The following GABRG3 variants were observed in gnomAD, a reference collection of about 807,000 sequenced individuals.
The protein encoded by GABRG3 is gamma-aminobutyric acid type A receptor subunit gamma3.
GABRG3 carries 25 observed loss-of-function variants against 48.8 expected under a neutral mutation model. The observed-to-expected ratio is 0.51, with a 90% CI of 0.37 to 0.72. The LOEUF (loss-of-function observed/expected upper bound fraction) is 0.72, where lower values mean the gene tolerates loss of function less well. Among genes scored for constraint, GABRG3 ranks in the 30% least tolerant of loss-of-function variants. The pLI is 0.00. For synonymous variants in GABRG3, 227 were observed against 217.6 expected, an observed-to-expected ratio of 1.04 and a Z score of -0.38; for missense variants, 394 against 577.9, an observed-to-expected ratio of 0.68 and a Z score of 3.26.
intron 5 of GABRG3, chr15:27,362,639 G>A (rs2140547844): frequency 6.6e-6 from 1 of 152,270 alleles, no homozygotes; most frequent in East Asian, 1.9e-4. Context: ...TTTTCTCTGT[G>A]ATTTCACCAT....
rs200250186 is a variant in GABRG3, at chr15:27,437,241, CAT to C, written c.575-43408_575-43407del. Among the ~76,000 whole-genome samples, 1,099 of 152,230 alleles carry C rather than the reference CAT, an allele frequency of 7.2e-3. 7 individuals are homozygous for C. The highest frequency in any genetic ancestry group is 0.025 in the African/African-American group (1,028 of 41,540). On this transcript the variant is annotated intron_variant, in intron 5 of 9. Transcript: ENST00000615808. Reference sequence around the variant, plus strand: ...TTAGAATGAACCTGCTCTCTGCTCACATGATTCAATTTATTTGGCAAACAAGT... The same window carrying C: ...TTAGAATGAACCTGCTCTCTGCTCACGATTCAATTTATTTGGCAAACAAGT...
At chr15:27,230,474 G>T (rs1377319004) in intron 3 of GABRG3, among the ~76,000 whole-genome samples, 1 of 152,032 alleles carries the variant, frequency 6.6e-6, no homozygotes, top group Non-Finnish European at 1.5e-5. Context: ...CTTACTTTCT[G>T]TATTAGATAT....
chr15:27,012,739 T>C (rs1414607116), intron 2 of GABRG3, among the ~76,000 whole-genome samples: 7 of 152,192 alleles, frequency 4.6e-5, no homozygotes, highest in Non-Finnish European at 4.4e-5. Context: ...GCTGGTTTAT[T>C]GATTAGTTTA....
intron 3 of GABRG3, among the ~76,000 whole-genome samples, chr15:27,114,049 T>C (rs1470471967): frequency 2.6e-5 from 4 of 152,258 alleles, no homozygotes; most frequent in Non-Finnish European, 5.9e-5. Context: ...TTCTTTCTTA[T>C]CTTTTGCCAG....
In GABRG3 at chr15:26,974,843, TTTATTATTATTATTATTATTA is replaced by T. The variant is rs59391125; in HGVS notation, c.54-2132_54-2112del. ...CAGATGACACGAAATATTTTTTAAA[TTTATTATTATTATTATTATTA>T]TTATTATTATTATTATTATTATTAT... is the stretch of plus-strand genomic sequence containing the variant. On this transcript the variant is annotated intron_variant, in intron 1 of 9. Transcript: ENST00000615808. The surrounding 1 kb of genome is among the most constrained non-coding windows in gnomAD (Gnocchi z 4.3). 5.7e-5 allele frequency among the ~76,000 whole-genome samples: 8 copies of T among 140,850 alleles called. No homozygotes were observed. The South Asian group carries it at 1.2e-3, about 20-fold the overall frequency. The allele number at this position is 140,850 out of a possible 152,430, so 92.4% of individuals were successfully genotyped here. A position where few individuals can be genotyped will look rare whatever the true frequency, so the allele number is the denominator to read the frequency against.
At chr15:27,367,472 C>T (rs1289731107) in intron 5 of GABRG3, among the ~76,000 whole-genome samples, 1 of 152,142 alleles carries the variant, frequency 6.6e-6, no homozygotes, top group Non-Finnish European at 1.5e-5. Flanking sequence ...GAGAATACCA[C>T]ATTTTTTTTC....
chr15:27,299,024 C>G (rs1026299636), intron 3 of GABRG3, among the ~76,000 whole-genome samples: 2 of 152,236 alleles, frequency 1.3e-5, no homozygotes, highest in Non-Finnish European at 2.9e-5. Flanking sequence ...TGGCTCACAT[C>G]TGTAATCCCC....
At chr15:27,466,290 C>A (rs569883190) in intron 5 of GABRG3, among the ~76,000 whole-genome samples, 1 of 152,160 alleles carries the variant, frequency 6.6e-6, no homozygotes, top group Non-Finnish European at 1.5e-5. Context: ...CCTCCTACCC[C>A]CAACAGTGGT....
chr15:26,988,735 C>T (rs1895195212), intron 2 of GABRG3, among the ~76,000 whole-genome samples: 2 of 151,706 alleles, frequency 1.3e-5, no homozygotes, highest in South Asian at 4.2e-4. Context: ...TGATTGTCTT[C>T]CTTTATTTTC....
At chr15:27,080,794 C>G (rs943234441) in intron 3 of GABRG3, among the ~76,000 whole-genome samples, 6 of 152,216 alleles carry the variant, frequency 3.9e-5, no homozygotes, top group Non-Finnish European at 8.8e-5. Flanking sequence ...AGGCAAGTCT[C>G]TTTCTGGCCC....
intron 2 of GABRG3, among the ~76,000 whole-genome samples, chr15:27,018,846 C>T (rs938800024): frequency 6.6e-6 from 1 of 152,006 alleles, no homozygotes; most frequent in African/African-American, 2.4e-5. Context: ...CAAATTCTTC[C>T]ACTTAGTCCC....
intron 3 of GABRG3, among the ~76,000 whole-genome samples, chr15:27,199,241 A>G (rs116753167): frequency 2.3e-3 from 356 of 152,344 alleles, no homozygotes; most frequent in African/African-American, 8.3e-3. Context: ...TTGTTAGGAT[A>G]GCCATTATAT....
intron 3 of GABRG3, among the ~76,000 whole-genome samples, chr15:27,046,340 G>A (rs1896365230): frequency 1.3e-5 from 2 of 152,040 alleles, no homozygotes; most frequent in Admixed American, 6.6e-5. Flanking sequence ...CTGACCTCAG[G>A]TGATCCACCT....
chr15:27,353,097 C>A (rs972815780), intron 5 of GABRG3, among the ~76,000 whole-genome samples: 1 of 152,126 alleles, frequency 6.6e-6, no homozygotes, highest in African/African-American at 2.4e-5. Context: ...TTCCTTCCCT[C>A]CCTCACTGTC....
chr15:27,025,595 G>A (rs1159207148), intron 2 of GABRG3, among the ~76,000 whole-genome samples: 1 of 152,168 alleles, frequency 6.6e-6, no homozygotes, highest in Admixed American at 6.5e-5. Context: ...CATTATCATT[G>A]TTTTCATTAC....
intron 3 of GABRG3, among the ~76,000 whole-genome samples, chr15:27,064,982 C>T (rs1312650798): frequency 6.6e-6 from 1 of 152,092 alleles, no homozygotes; most frequent in Admixed American, 6.6e-5. Context: ...AAATTTTGTT[C>T]CTCCAATAGA....
Position 27,128,398 on chromosome 15 carries a change from G to A in GABRG3, c.270+101577G>A, listed in dbSNP as rs539556437. On this transcript the variant is annotated intron_variant, in intron 3 of 9. Coordinates refer to ENST00000615808, the MANE Select transcript of GABRG3 (RefSeq NM_033223.5). ...GTCAGTGCTTTAAGACTTATCTCAG[G>A]TACCGGAATTATTTAAAATAATTGT... is the stretch of plus-strand genomic sequence containing the variant. 3.9e-5 allele frequency among the ~76,000 whole-genome samples: 6 copies of A among 152,172 alleles called. No homozygotes were observed. The East Asian group carries it at 1.2e-3, about 29-fold the overall frequency.
At chr15:27,181,700 T>G (rs1887937782) in intron 3 of GABRG3, among the ~76,000 whole-genome samples, 1 of 152,214 alleles carries the variant, frequency 6.6e-6, no homozygotes, top group Non-Finnish European at 1.5e-5. Flanking sequence ...TTTAAGTGGC[T>G]GCTGCATGTA....
intron 3 of GABRG3, among the ~76,000 whole-genome samples, chr15:27,163,859 G>A (rs1292334604): frequency 1.3e-5 from 2 of 152,164 alleles, no homozygotes; most frequent in Admixed American, 6.5e-5. Flanking sequence ...AAACAGTTCT[G>A]TGTGGCAGGG....
Sources: allele counts gnomAD v4.1 joint callset (sites outside exome capture counted in the v4.1 genomes callset), GRCh38; gene constraint gnomAD v4.1.1; non-coding constraint Gnocchi (gnomAD v3.1); transcripts MANE v1.5; gene names NCBI Gene and HGNC (gene_info 2026-07-23, HGNC 2026-07-21).